OTUD4: variants seen among roughly 807,000 people sequenced by gnomAD.
OTUD4 encodes the protein OTU domain-containing protein 4.
A neutral mutation model predicts 130.4 loss-of-function variants in OTUD4; 24 were observed. That is an observed-to-expected ratio of 0.18 (90% CI 0.13 to 0.26). The LOEUF (loss-of-function observed/expected upper bound fraction) is 0.26, where lower values mean the gene tolerates loss of function less well. Among genes scored for constraint, OTUD4 ranks in the 10% least tolerant of loss-of-function variants. The probability of loss-of-function intolerance (pLI) is 1.00; values close to 1 mark genes in which losing one functional copy is unlikely to be tolerated. For synonymous variants in OTUD4, 420 were observed against 472.5 expected (o/e 0.89, Z 1.44); for missense variants, 1,031 against 1,329.4 (o/e 0.78, Z 3.49).
rs188297450 is a variant in OTUD4, at chr4:145,176,223, A to C, written c.160-1479T>G. The stretch of plus-strand genomic sequence containing the variant: ...AGCTCCCAATTATTTAACATGCTTA[A>C]AGGAGATTAAAATTCTTTTCTATTA... On this transcript the variant is annotated intron_variant, in intron 1 of 20. Transcript: ENST00000447906. Among the ~76,000 whole-genome samples, 5 of 151,848 alleles carry C rather than the reference A, an allele frequency of 3.3e-5. No homozygotes were observed. In the East Asian group the frequency reaches 9.7e-4, roughly 29 times the overall value.
At chr4:145,174,884 C>T (rs1176627918) in intron 1 of OTUD4, 140 bp from the exon 2 acceptor site, 3 of 604,492 alleles carry the variant, frequency 5.0e-6, no homozygotes, top group Non-Finnish European at 9.0e-6. Flanking sequence ...ATTTCGATAT[C>T]TTTACTCATT....
At chr4:145,171,034 T>G (rs1443105920) in intron 3 of OTUD4, 1 of 152,116 alleles carries the variant, frequency 6.6e-6, no homozygotes. Flanking sequence ...CTCAGTTGCC[T>G]AGGAAGAAAA....
intron 20 of OTUD4, among the ~76,000 whole-genome samples, chr4:145,139,591 A>ACACT (rs1312279680): frequency 6.6e-6 from 1 of 152,226 alleles, no homozygotes; most frequent in East Asian, 1.9e-4. Flanking sequence ...AGGCCCAGAT[A>ACACT]CACTACATGG....
chr4:145,141,906 T>C (rs1750584372), intron 18 of OTUD4, among the ~76,000 whole-genome samples: 1 of 152,152 alleles, frequency 6.6e-6, no homozygotes, highest in South Asian at 2.1e-4. Context: ...CATAAAGAGC[T>C]GGCCCATGAA....
intron 1 of OTUD4, among the ~76,000 whole-genome samples, chr4:145,177,537 A>G (rs1298438094): frequency 6.6e-6 from 1 of 152,234 alleles, no homozygotes; most frequent in African/African-American, 2.4e-5. Flanking sequence ...GCAAATTAAT[A>G]TATACATGAA....
chr4:145,144,166 C>CAAT, intron 15 of OTUD4, 145 bp downstream of exon 15: 1 of 1,043,828 alleles, frequency 9.6e-7, no homozygotes. Flanking sequence ...TAGCTTGAGT[C>CAAT]AATACTTCTC....
chr4:145,137,419 G>A lies in OTUD4; in HGVS notation c.*11C>T, dbSNP rs369947596. The A allele has an allele frequency of 2.2e-5, 34 of 1,579,292 alleles. No individual in the cohort carries two copies. The highest frequency in any genetic ancestry group is 9.0e-5 in the Admixed American group (5 of 55,470). On this transcript the variant is annotated 3_prime_UTR_variant, in exon 21 of 21. Transcript: ENST00000447906. ...AAGAGTTTCTGTTAGAAAATACTTC[G>A]GCAACAACCATCAAGTGTGCTGTCC... is the stretch of plus-strand genomic sequence containing the variant.
In OTUD4 at chr4:145,139,023, A is replaced by G. The variant is rs527859761; in HGVS notation, c.2125-373T>C. Among the ~76,000 whole-genome samples, 10 of 152,308 alleles carry G rather than the reference A, an allele frequency of 6.6e-5. 1 individual carries two copies. The highest frequency in any genetic ancestry group is 1.9e-4 in the East Asian group (1 of 5,176). On this transcript the variant is annotated intron_variant, in intron 20 of 20. Coordinates refer to ENST00000447906, the MANE Select transcript of OTUD4 (RefSeq NM_001366057.1). ...AATTTGTTTTACTGGGAATGTCAGTATAAGAGTAGATGATCTCCAATGTCA... is the reference window on the plus strand; with the variant it reads ...AATTTGTTTTACTGGGAATGTCAGTGTAAGAGTAGATGATCTCCAATGTCA...
Position 145,155,581 on chromosome 4 carries a change from T to G in OTUD4, c.796A>C (p.Lys266Gln). ...ATTTTTAACTCACCTTGTTTAGACTTCAGCCAAATTTCATATTCCACATTT... is the reference window on the plus strand; with the variant it reads ...ATTTTTAACTCACCTTGTTTAGACTGCAGCCAAATTTCATATTCCACATTT... ...YRNVEYEIWLKSKQAQQKRDY... is the reference protein window; with the variant it reads ...YRNVEYEIWLQSKQAQQKRDY... Residue 266 changes from lysine (K) to glutamine (Q), a missense_variant, in exon 9 of 21, where the codon AAG (lysine) becomes CAG (glutamine). Coordinates refer to ENST00000447906, the MANE Select transcript of OTUD4 (RefSeq NM_001366057.1). The G allele has an allele frequency of 6.2e-7, 1 of 1,608,720 alleles. No homozygotes were observed. Among genetic ancestry groups the G allele is most frequent in the Non-Finnish European group, 8.5e-7 (1 of 1,177,664 alleles).
chr4:145,168,850 T>C (rs1022108719), intron 3 of OTUD4, among the ~76,000 whole-genome samples: 6 of 152,210 alleles, frequency 3.9e-5, no homozygotes, highest in Admixed American at 1.3e-4. Context: ...TTATAAGCAA[T>C]TGTTCACAGC....
In OTUD4 at chr4:145,135,213, A is replaced by G. The variant is rs925457632; in HGVS notation, c.*2217T>C. ...AAATTCTCTTTCAAGCACTTCTTCC[A>G]TCATATCCTAGAGGTGAGATATGGG... On this transcript the variant is annotated 3_prime_UTR_variant, in exon 21 of 21. Coordinates refer to ENST00000447906, the MANE Select transcript of OTUD4 (RefSeq NM_001366057.1). 5.3e-6 allele frequency: 1 copy of G among 188,510 alleles called. No homozygotes were observed. The allele number at this position is 188,510 out of a possible 1,614,324, so 11.7% of individuals were successfully genotyped here. A position where few individuals can be genotyped will look rare whatever the true frequency, so the allele number is the denominator to read the frequency against.
intron 11 of OTUD4, among the ~76,000 whole-genome samples, chr4:145,151,333 T>C (rs1751058508): frequency 6.6e-6 from 1 of 152,042 alleles, no homozygotes; most frequent in Admixed American, 6.6e-5. Flanking sequence ...TTAGGGAAAA[T>C]AGAATAGAAA....
Position 145,136,539 on chromosome 4 carries a change from T to C in OTUD4, c.*891A>G, listed in dbSNP as rs28488496. 426 of 126,074 alleles carry C rather than the reference T, an allele frequency of 3.4e-3. 1 individual carries two copies. The highest frequency in any genetic ancestry group is 3.9e-3 in the Non-Finnish European group (248 of 62,854). 7.8% of individuals were successfully genotyped at this position (126,074 alleles called of 1,614,324 possible). ...ATTTTTAACATTTCTTCTCACAAAA[T>C]ATTTAGAATCTGTCAGTGCATTAGT... On this transcript the variant is annotated 3_prime_UTR_variant, in exon 21 of 21. Coordinates refer to ENST00000447906, the MANE Select transcript of OTUD4 (RefSeq NM_001366057.1).
In OTUD4 at chr4:145,138,387, G is replaced by A; in HGVS notation, c.2388C>T (p.Ile796=). 1 of 1,614,194 alleles carries A rather than the reference G, an allele frequency of 6.2e-7. No homozygotes were observed. The highest frequency in any genetic ancestry group is 8.5e-7 in the Non-Finnish European group (1 of 1,180,014). ...GACTTTCAGACACCTGAGATGGAGG[G>A]ATAACCAGAGGTGAAGAAAATGTCG... ...GPPTFSSPLV[I]PPSQVSESHG... Residue 796 remains isoleucine (I), a synonymous_variant, in exon 21 of 21, where the codon ATC becomes ATT. Coordinates refer to ENST00000447906, the MANE Select transcript of OTUD4 (RefSeq NM_001366057.1).
chr4:145,162,988 C>T (rs1751656445), intron 5 of OTUD4, among the ~76,000 whole-genome samples: 1 of 152,142 alleles, frequency 6.6e-6, no homozygotes, highest in Non-Finnish European at 1.5e-5. Flanking sequence ...TGAAAACATG[C>T]TTTCAACTAC....
Position 145,134,373 on chromosome 4 carries a change from A to G in OTUD4, c.*3057T>C, listed in dbSNP as rs1274475265. The stretch of plus-strand genomic sequence containing the variant: ...AAGTAAAAGACAAAACATTTACCTC[A>G]TCTAAAAATGAAGGTAAAACGAAAG... On this transcript the variant is annotated 3_prime_UTR_variant, in exon 21 of 21. Coordinates refer to ENST00000447906, the MANE Select transcript of OTUD4 (RefSeq NM_001366057.1). The G allele has an allele frequency of 4.4e-6, 1 of 227,348 alleles. No individual in the cohort carries two copies. The highest frequency in any genetic ancestry group is 8.4e-5 in the East Asian group (1 of 11,938). The allele number at this position is 227,348 out of a possible 1,614,324, so 14.1% of individuals were successfully genotyped here. A position where few individuals can be genotyped will look rare whatever the true frequency, so the allele number is the denominator to read the frequency against.
At chr4:145,173,319 G>C (rs572470036) in intron 2 of OTUD4, among the ~76,000 whole-genome samples, 1 of 152,070 alleles carries the variant, frequency 6.6e-6, no homozygotes, top group Non-Finnish European at 1.5e-5. Context: ...GCATGAACCC[G>C]GGAGGCGGAG....
At position 145,144,228 on chromosome 4, in the gene OTUD4, G is replaced by A. The variant is rs561042404; in HGVS notation, c.1546+83C>T. On this transcript the variant is annotated intron_variant, in intron 15 of 20. Transcript: ENST00000447906. ...GATAAACTACTTAACAACTTAAAAA[G>A]GGTTCTTTCCCAAATATATGACATT... 3 of 1,440,702 alleles carry A rather than the reference G, an allele frequency of 2.1e-6. No homozygotes were observed. In the African/African-American group the frequency reaches 4.3e-5, roughly 21 times the overall value. The allele number at this position is 1,440,702 out of a possible 1,614,324, so 89.2% of individuals were successfully genotyped here. A position where few individuals can be genotyped will look rare whatever the true frequency, so the allele number is the denominator to read the frequency against.
chr4:145,143,455 C>T lies in OTUD4; in HGVS notation c.1603-10G>A. 5 of 1,569,372 alleles carry T rather than the reference C, an allele frequency of 3.2e-6. No homozygotes were observed. Among genetic ancestry groups the T allele is most frequent in the Non-Finnish European group, 4.4e-6 (5 of 1,147,582 alleles). ...TATCATCAGTAATATTCTTTGGAAG[C>T]AAAAAAGAAGCAAAGTTTTGTATTT... is the stretch of plus-strand genomic sequence containing the variant. On this transcript the variant is annotated splice_polypyrimidine_tract_variant and intron_variant, in intron 16 of 20. Coordinates refer to ENST00000447906, the MANE Select transcript of OTUD4 (RefSeq NM_001366057.1).
Sources: allele counts gnomAD v4.1 joint callset (sites outside exome capture counted in the v4.1 genomes callset), GRCh38; gene constraint gnomAD v4.1.1; transcripts MANE v1.5; gene names NCBI Gene and HGNC (gene_info 2026-07-23, HGNC 2026-07-21).